The following KCNIP4 variants were observed in gnomAD, a reference collection of about 807,000 sequenced individuals.
KCNIP4 encodes the protein Kv channel-interacting protein 4.
In KCNIP4, 12 loss-of-function variants were observed where a neutral mutation model predicts 34.0. That is an observed-to-expected ratio of 0.35 (90% CI 0.23 to 0.57). KCNIP4 has a LOEUF of 0.57. Among genes scored for constraint, KCNIP4 ranks in the 20% least tolerant of loss-of-function variants. The pLI is 0.83. For synonymous variants in KCNIP4, 124 were observed against 102.2 expected, an observed-to-expected ratio of 1.21 and a Z score of -1.29; for missense variants, 238 against 311.7, an observed-to-expected ratio of 0.76 and a Z score of 1.78.
chr4:21,566,475 C>T (rs760873732), intron 1 of KCNIP4, among the ~76,000 whole-genome samples: 4 of 152,070 alleles, frequency 2.6e-5, no homozygotes, highest in African/African-American at 7.2e-5. Flanking sequence ...CCTCCCCCTT[C>T]GCTCTCTTCC....
rs920488013 is a variant in KCNIP4, at chr4:21,355,636, G to T, written c.62-472927C>A. 2.6e-5 allele frequency among the ~76,000 whole-genome samples: 4 copies of T among 152,252 alleles called. No individual in the cohort carries two copies. The East Asian group carries it at 7.7e-4, about 29-fold the overall frequency. ...GAATCTCTGAATAGATCAATAACAG[G>T]CTCTGAAATTGAGGCAACAATTAAT... On this transcript the variant is annotated intron_variant, in intron 1 of 8. Transcript: ENST00000382152.
intron 1 of KCNIP4, among the ~76,000 whole-genome samples, chr4:21,867,516 C>T (rs893938140): frequency 2.6e-5 from 4 of 152,170 alleles, no homozygotes; most frequent in African/African-American, 9.7e-5. Flanking sequence ...TAGCGTTCTT[C>T]CAGTTCCTTA....
chr4:21,036,351 A>T (rs1741441873), intron 1 of KCNIP4, among the ~76,000 whole-genome samples: 1 of 152,222 alleles, frequency 6.6e-6, no homozygotes, highest in Non-Finnish European at 1.5e-5. Context: ...ATTTTATGCT[A>T]AGCACAGGCA....
At chr4:21,128,293 A>G (rs1425514261) in intron 1 of KCNIP4, among the ~76,000 whole-genome samples, 1 of 152,214 alleles carries the variant, frequency 6.6e-6, no homozygotes, top group Non-Finnish European at 1.5e-5. Flanking sequence ...ATGGCATTCA[A>G]GACTGTTTTC....
chr4:21,568,278 T>A (rs1217164335), intron 1 of KCNIP4, among the ~76,000 whole-genome samples: 1 of 151,858 alleles, frequency 6.6e-6, no homozygotes, highest in East Asian at 1.9e-4. Flanking sequence ...TATGATGAGG[T>A]CATAGTGGAG....
chr4:20,923,651 A>G (rs1729619422), intron 1 of KCNIP4, among the ~76,000 whole-genome samples: 1 of 152,196 alleles, frequency 6.6e-6, no homozygotes, highest in Non-Finnish European at 1.5e-5. Flanking sequence ...CCACCTTTCC[A>G]TGGACTATGG....
chr4:21,581,928 C>A (rs916530704), intron 1 of KCNIP4, among the ~76,000 whole-genome samples: 1 of 149,580 alleles, frequency 6.7e-6, no homozygotes, highest in African/African-American at 2.5e-5. Context: ...GAGTCGAGAC[C>A]AAACTTAAAA....
At chr4:20,937,959 T>C (rs2149613007) in intron 1 of KCNIP4, among the ~76,000 whole-genome samples, 1 of 152,354 alleles carries the variant, frequency 6.6e-6, no homozygotes, top group South Asian at 2.1e-4. Flanking sequence ...CCCTTGAAAG[T>C]ACTATACAAT....
At position 20,732,794 on chromosome 4, in the gene KCNIP4, TAAAAG is replaced by T; in HGVS notation, c.538-14_538-10del. ...ATTATATCAAGCATTTCCTGAAAAA[TAAAAG>T]GCACTCACGTGAGGCTGCACACATG... On this transcript the variant is annotated splice_polypyrimidine_tract_variant and intron_variant, in intron 6 of 8. Coordinates refer to ENST00000382152, the MANE Select transcript of KCNIP4 (RefSeq NM_025221.6). The T allele has an allele frequency of 1.3e-6, 2 of 1,528,592 alleles. No individual in the cohort carries two copies. The highest frequency in any genetic ancestry group is 9.1e-7 in the Non-Finnish European group (1 of 1,103,326). The allele number at this position is 1,528,592 out of a possible 1,614,324, so 94.7% of individuals were successfully genotyped here.
chr4:21,200,203 T>C (rs542085158), intron 1 of KCNIP4, among the ~76,000 whole-genome samples: 113 of 151,704 alleles, frequency 7.4e-4, no homozygotes, highest in Non-Finnish European at 1.3e-3. Flanking sequence ...AAAAGACACC[T>C]GCATGCATAT....
chr4:20,869,242 A>G (rs911978127), intron 2 of KCNIP4, among the ~76,000 whole-genome samples: 3 of 152,064 alleles, frequency 2.0e-5, no homozygotes, highest in African/African-American at 7.2e-5. Context: ...TATGTTTAAA[A>G]AAGCTATTAG....
chr4:21,756,566 AAAAGAG>A (rs1375032906), intron 1 of KCNIP4, among the ~76,000 whole-genome samples: 4 of 151,174 alleles, frequency 2.6e-5, no homozygotes, highest in Non-Finnish European at 5.9e-5. Context: ...AAAAAAAAAA[AAAAGAG>A]AGAGAGAGAG....
intron 1 of KCNIP4, among the ~76,000 whole-genome samples, chr4:21,375,809 G>C (rs1194298317): frequency 6.6e-6 from 1 of 151,910 alleles, no homozygotes; most frequent in Non-Finnish European, 1.5e-5. Context: ...CCTCGTGATT[G>C]GCCCGCCTCA....
chr4:21,810,802 GT>G (rs1440839389), intron 1 of KCNIP4, among the ~76,000 whole-genome samples: 1 of 151,822 alleles, frequency 6.6e-6, no homozygotes, highest in Non-Finnish European at 1.5e-5. Context: ...TGCTAGGCTA[GT>G]GTATTCCCCA....
chr4:20,996,298 A>G (rs1737549200), intron 1 of KCNIP4, among the ~76,000 whole-genome samples: 1 of 152,194 alleles, frequency 6.6e-6, no homozygotes, highest in South Asian at 2.1e-4. Flanking sequence ...AGCCAGATTA[A>G]AGAGCATATC....
chr4:21,081,133 G>A (rs1304729612), intron 1 of KCNIP4, among the ~76,000 whole-genome samples: 2 of 151,704 alleles, frequency 1.3e-5, no homozygotes, highest in Non-Finnish European at 2.9e-5. Context: ...TGTGGGGACT[G>A]AATTTTAGTA....
chr4:21,659,479 C>T (rs928815011), intron 1 of KCNIP4, among the ~76,000 whole-genome samples: 2 of 152,052 alleles, frequency 1.3e-5, no homozygotes, highest in Non-Finnish European at 1.5e-5. Context: ...AACCTCTTAG[C>T]CTGGTAGTCA....
intron 1 of KCNIP4, among the ~76,000 whole-genome samples, chr4:21,023,962 A>G (rs1483920072): frequency 6.6e-6 from 1 of 152,192 alleles, no homozygotes; most frequent in Non-Finnish European, 1.5e-5. Flanking sequence ...GCACAGAAGA[A>G]CAAGTACTGG....
intron 3 of KCNIP4, among the ~76,000 whole-genome samples, chr4:20,809,686 T>C (rs1371609910): frequency 6.6e-6 from 1 of 152,202 alleles, no homozygotes; most frequent in Non-Finnish European, 1.5e-5. Flanking sequence ...GTTTTCCTAT[T>C]ATAGGGGTAT....
Sources: gnomAD v4.1 joint callset for allele counts (sites outside exome capture counted in the v4.1 genomes callset) on GRCh38, gnomAD v4.1.1 for gene constraint, MANE v1.5 for transcripts, NCBI Gene and HGNC (gene_info 2026-07-23, HGNC 2026-07-21) for gene names.